The following KCND2 variants were observed in gnomAD, a reference collection of about 807,000 sequenced individuals.
KCND2 encodes the protein potassium voltage-gated channel subfamily D member 2, also known as A-type voltage-gated potassium channel KCND2.
KCND2 carries 16 observed loss-of-function variants against 54.4 expected under a neutral mutation model. The ratio of observed to expected loss-of-function variants is 0.29; its 90% CI spans 0.20 to 0.45. The LOEUF is 0.45. Among genes scored for constraint, KCND2 ranks in the 20% least tolerant of loss-of-function variants. The pLI is 1.00. For missense variants in KCND2, 486 were observed against 824.2 expected (o/e 0.59, Z 5.02); for synonymous variants, 317 against 310.7 (o/e 1.02, Z -0.21).
intron 1 of KCND2, among the ~76,000 whole-genome samples, chr7:120,579,315 T>C (rs150578792): frequency 1.6e-3 from 242 of 152,162 alleles, no homozygotes; most frequent in Middle Eastern, 0.01. Flanking sequence ...TCTTAAAATA[T>C]TACATTGGTC....
At chr7:120,451,735 T>A (rs938618963) in intron 1 of KCND2, among the ~76,000 whole-genome samples, 7 of 152,218 alleles carry the variant, frequency 4.6e-5, no homozygotes, top group Non-Finnish European at 1.5e-5. Flanking sequence ...TACCAATCAA[T>A]CTGCACTGAC....
intron 1 of KCND2, among the ~76,000 whole-genome samples, chr7:120,471,529 T>A (rs1051285349): frequency 2.0e-5 from 3 of 152,110 alleles, no homozygotes; most frequent in Admixed American, 6.6e-5. Flanking sequence ...GTATATACCT[T>A]TTTTGACTTG....
intron 1 of KCND2, among the ~76,000 whole-genome samples, chr7:120,436,804 A>G (rs1157618728): frequency 6.6e-6 from 1 of 152,092 alleles, no homozygotes; most frequent in Non-Finnish European, 1.5e-5. Flanking sequence ...CACTGGAGAA[A>G]TTTTGCTTCT....
At chr7:120,535,671 G>T in intron 1 of KCND2, among the ~76,000 whole-genome samples, 1 of 152,100 alleles carries the variant, frequency 6.6e-6, no homozygotes, top group Non-Finnish European at 1.5e-5. Flanking sequence ...ATTTTAACAA[G>T]ACTATTTGAA....
intron 1 of KCND2, among the ~76,000 whole-genome samples, chr7:120,576,250 A>G (rs1792432659): frequency 6.6e-6 from 1 of 152,224 alleles, no homozygotes; most frequent in Admixed American, 6.5e-5. Flanking sequence ...GAATTAATAA[A>G]TATTACAAAT....
chr7:120,556,594 A>T (rs1306041535), intron 1 of KCND2, among the ~76,000 whole-genome samples: 3 of 152,164 alleles, frequency 2.0e-5, no homozygotes, highest in Non-Finnish European at 4.4e-5. Flanking sequence ...TTCTTTTAAG[A>T]TCTCATCAGA....
intron 1 of KCND2, among the ~76,000 whole-genome samples, chr7:120,317,997 G>C (rs987413350): frequency 2.0e-5 from 3 of 152,178 alleles, no homozygotes; most frequent in Admixed American, 6.6e-5. Context: ...AGCACCTGCT[G>C]TGTATTTGCC....
intron 1 of KCND2, among the ~76,000 whole-genome samples, chr7:120,514,994 AT>A (rs1405044777): frequency 6.6e-6 from 1 of 151,972 alleles, no homozygotes; most frequent in Non-Finnish European, 1.5e-5. Flanking sequence ...CTTAAAATGC[AT>A]TCTTATTTTG....
intron 1 of KCND2, among the ~76,000 whole-genome samples, chr7:120,341,667 G>A (rs577440564): frequency 6.6e-6 from 1 of 152,248 alleles, no homozygotes; most frequent in Non-Finnish European, 1.5e-5. Flanking sequence ...CTGCAATAGA[G>A]TGGAGGACAA....
chr7:120,512,821 A>G (rs1023565877), intron 1 of KCND2, among the ~76,000 whole-genome samples: 1 of 141,296 alleles, frequency 7.1e-6, no homozygotes, highest in African/African-American at 2.7e-5. Context: ...TTTTTTGGAG[A>G]CAGATTCTTG....
intron 1 of KCND2, among the ~76,000 whole-genome samples, chr7:120,381,144 A>G (rs1800910457): frequency 6.6e-6 from 1 of 151,922 alleles, no homozygotes; most frequent in South Asian, 2.1e-4. Flanking sequence ...AATCCCAGCT[A>G]TTTGGGAGGC....
At chr7:120,378,782 C>G (rs1800871862) in intron 1 of KCND2, among the ~76,000 whole-genome samples, 1 of 151,882 alleles carries the variant, frequency 6.6e-6, no homozygotes, top group Non-Finnish European at 1.5e-5. Flanking sequence ...AATTTACTTT[C>G]TTATTAGGAC....
intron 1 of KCND2, among the ~76,000 whole-genome samples, chr7:120,615,569 G>A (rs953924747): frequency 6.6e-6 from 1 of 152,132 alleles, no homozygotes; most frequent in African/African-American, 2.4e-5. Flanking sequence ...TTCCTAGGGT[G>A]CATCCTTATT....
chr7:120,737,634 A>G (rs1792891506), intron 2 of KCND2, among the ~76,000 whole-genome samples: 1 of 152,008 alleles, frequency 6.6e-6, no homozygotes, highest in Non-Finnish European at 1.5e-5. Flanking sequence ...TAGCACAGCT[A>G]TTTTTCTTAG....
At chr7:120,665,079 T>C (rs559334309) in intron 1 of KCND2, among the ~76,000 whole-genome samples, 1 of 152,198 alleles carries the variant, frequency 6.6e-6, no homozygotes, top group African/African-American at 2.4e-5. Flanking sequence ...AAAATGCTGA[T>C]TATTTTTCCA....
chr7:120,738,219 A>G (rs1402084030), intron 2 of KCND2, among the ~76,000 whole-genome samples: 2 of 152,162 alleles, frequency 1.3e-5, no homozygotes, highest in East Asian at 1.9e-4. Flanking sequence ...ATCATCCACA[A>G]TGTCATATGG....
chr7:120,637,620 C>T (rs769607118), intron 1 of KCND2, among the ~76,000 whole-genome samples: 6 of 152,046 alleles, frequency 3.9e-5, no homozygotes, highest in Non-Finnish European at 5.9e-5. Context: ...ATTTCTCTAG[C>T]CATTCCAGTG....
intron 1 of KCND2, among the ~76,000 whole-genome samples, chr7:120,679,333 A>C (rs1294342398): frequency 2.6e-5 from 4 of 151,848 alleles, no homozygotes; most frequent in Non-Finnish European, 5.9e-5. Flanking sequence ...TTTTCTGTTC[A>C]CAGGGCTTAA....
intron 1 of KCND2, among the ~76,000 whole-genome samples, chr7:120,378,586 TA>T (rs2116019637): frequency 6.6e-6 from 1 of 152,094 alleles, no homozygotes; most frequent in African/African-American, 2.4e-5. Context: ...GTGCATAAGA[TA>T]TTTGAGATAA....
Sources: allele counts gnomAD v4.1 joint callset (sites outside exome capture counted in the v4.1 genomes callset), GRCh38; gene constraint gnomAD v4.1.1; transcripts MANE v1.5; gene names NCBI Gene and HGNC (gene_info 2026-07-23, HGNC 2026-07-21).